Variants in HSF2BP observed in about 807,000 individuals in gnomAD.
HSF2BP encodes heat shock transcription factor 2 binding protein, also known as heat shock factor 2-binding protein.
Under a neutral mutation model 35.0 loss-of-function variants are expected in HSF2BP, and 35 were observed. The ratio of observed to expected loss-of-function variants is 1.00; its 90% confidence interval spans 0.76 to 1.32. The LOEUF is 1.32. HSF2BP is among the 40% of genes most tolerant of loss of function. The pLI, the probability that HSF2BP is intolerant of heterozygous loss-of-function variation, is 0.00. For synonymous variants in HSF2BP, 114 were observed against 117.4 expected, an observed-to-expected ratio of 0.97 and a Z score of 0.18; for missense variants, 326 against 321.7, an observed-to-expected ratio of 1.01 and a Z score of -0.10.
At chr21:43,633,030 CTGAAGTGGTAATATGT>C (rs2082503379) in intron 5 of HSF2BP, among the ~76,000 whole-genome samples, 1 of 152,212 alleles carries the variant, frequency 6.6e-6, no homozygotes, top group East Asian at 1.9e-4. Context: ...AGTATTAATA[CTGAAGTGGTAATATGT>C]CCACATATAC....
At chr21:43,613,681 G>A (rs1252699352) in intron 7 of HSF2BP, 149 bp downstream of exon 7, 1 of 647,166 alleles carries the variant, frequency 1.5e-6, no homozygotes, top group African/African-American at 1.8e-5. Flanking sequence ...TTAAGAGACA[G>A]TGCACGCCCT....
intron 7 of HSF2BP, among the ~76,000 whole-genome samples, chr21:43,605,515 G>A (rs915249956): frequency 6.8e-4 from 63 of 92,418 alleles, no homozygotes; most frequent in African/African-American, 2.5e-3. Context: ...ATCCCCCCAC[G>A]CACCTCCCAC....
At chr21:43,535,677 T>TAAATA (rs1265434492) in intron 8 of HSF2BP, among the ~76,000 whole-genome samples, 1 of 2,790 alleles carries the variant, frequency 3.6e-4, no homozygotes, top group Non-Finnish European at 5.8e-4. Context: ...ATAAATAAAA[T>TAAATA]AAATAAAATA....
chr21:43,585,798 T>C (rs2081842740), intron 8 of HSF2BP, among the ~76,000 whole-genome samples: 1 of 152,208 alleles, frequency 6.6e-6, no homozygotes, highest in African/African-American at 2.4e-5. Context: ...CGAAGGTTTT[T>C]TAAAAGTCTG....
intron 4 of HSF2BP, among the ~76,000 whole-genome samples, chr21:43,639,949 T>C (rs375678634): frequency 1.3e-5 from 2 of 152,102 alleles, no homozygotes; most frequent in South Asian, 2.1e-4. Context: ...ATACATACCA[T>C]GGAATATGAG....
intron 7 of HSF2BP, among the ~76,000 whole-genome samples, chr21:43,606,327 G>T (rs950842640): frequency 6.6e-6 from 1 of 152,208 alleles, no homozygotes; most frequent in African/African-American, 2.4e-5. Context: ...AGAGAAGAAG[G>T]ATGGCTGGGC....
chr21:43,582,269 G>C (rs1295381054), intron 8 of HSF2BP, among the ~76,000 whole-genome samples: 1 of 142,436 alleles, frequency 7.0e-6, no homozygotes, highest in African/African-American at 2.8e-5. Context: ...TGCCTGCTGA[G>C]GGGGATGAAG....
intron 6 of HSF2BP, among the ~76,000 whole-genome samples, chr21:43,617,056 T>C (rs1235607705): frequency 6.6e-6 from 1 of 152,050 alleles, no homozygotes; most frequent in Non-Finnish European, 1.5e-5. Flanking sequence ...CCCTCAACGA[T>C]TTGAGTCATC....
intron 7 of HSF2BP, among the ~76,000 whole-genome samples, chr21:43,592,651 G>A (rs1004700000): frequency 6.6e-6 from 1 of 152,080 alleles, no homozygotes; most frequent in South Asian, 2.1e-4. Context: ...TAACATACAG[G>A]TTACCCTCAA....
At chr21:43,656,452 G>A (rs2082869318) in intron 3 of HSF2BP, 135 bp downstream of exon 3, 2 of 846,342 alleles carry the variant, frequency 2.4e-6, no homozygotes, top group African/African-American at 1.7e-5. Context: ...CCTTTCTTAG[G>A]TCATCAGACT....
At chr21:43,637,686 G>A (rs1199220691) in intron 4 of HSF2BP, among the ~76,000 whole-genome samples, 2 of 151,558 alleles carry the variant, frequency 1.3e-5, no homozygotes, top group East Asian at 3.9e-4. Flanking sequence ...GGTGGCATAT[G>A]CCTATAGACT....
At chr21:43,630,032 G>C (rs1387499016) in intron 6 of HSF2BP, among the ~76,000 whole-genome samples, 1 of 152,206 alleles carries the variant, frequency 6.6e-6, no homozygotes, top group Non-Finnish European at 1.5e-5. Flanking sequence ...TCAGTTAGCA[G>C]TCATCAATAT....
At position 43,635,962 on chromosome 21, in the gene HSF2BP, A is replaced by T. The variant is rs532553790; in HGVS notation, c.292-2541T>A. ...AAAAAAAAAAACAGAATCATAGGCCAGGCACAGTGGCTAATTGTACCTTGG... is the reference window on the plus strand; with the variant it reads ...AAAAAAAAAAACAGAATCATAGGCCTGGCACAGTGGCTAATTGTACCTTGG... On this transcript the variant is annotated intron_variant, in intron 4 of 8. Coordinates refer to ENST00000291560, the MANE Select transcript of HSF2BP (RefSeq NM_007031.2). 4.7e-5 allele frequency among the ~76,000 whole-genome samples: 7 copies of T among 147,448 alleles called. No homozygotes were observed. The East Asian group carries it at 1.4e-3, about 29-fold the overall frequency.
intron 6 of HSF2BP, among the ~76,000 whole-genome samples, chr21:43,617,483 T>C (rs1005999249): frequency 2.0e-5 from 3 of 150,664 alleles, no homozygotes; most frequent in African/African-American, 7.4e-5. Flanking sequence ...CTTACTGATA[T>C]TTAATCTATC....
intron 6 of HSF2BP, among the ~76,000 whole-genome samples, chr21:43,625,152 C>T (rs2146971352): frequency 6.6e-6 from 1 of 152,252 alleles, no homozygotes; most frequent in East Asian, 1.9e-4. Context: ...CTGGTAACAG[C>T]TACCCCATTC....
chr21:43,593,936 G>A (rs926337737), intron 7 of HSF2BP, among the ~76,000 whole-genome samples: 1 of 151,976 alleles, frequency 6.6e-6, no homozygotes, highest in Admixed American at 6.6e-5. Flanking sequence ...TCAGATTCAG[G>A]AGGCACAAAA....
At chr21:43,582,258 G>A (rs1290418089) in intron 8 of HSF2BP, among the ~76,000 whole-genome samples, 9 of 133,132 alleles carry the variant, frequency 6.8e-5, no homozygotes, top group South Asian at 2.5e-4. Flanking sequence ...AGGGAGATGA[G>A]TGCCTGCTGA....
chr21:43,657,486 C>T (rs1465065181), intron 2 of HSF2BP, among the ~76,000 whole-genome samples: 1 of 152,130 alleles, frequency 6.6e-6, no homozygotes, highest in Non-Finnish European at 1.5e-5. Context: ...TTTGCCAAGC[C>T]CTCCGCCCGT....
chr21:43,587,625 A>AT (rs2081869902), intron 8 of HSF2BP, among the ~76,000 whole-genome samples: 2 of 146,208 alleles, frequency 1.4e-5, no homozygotes, highest in South Asian at 4.4e-4. Flanking sequence ...AGATCACACC[A>AT]TTGCACTCCA....
Sources: gnomAD v4.1 joint callset for allele counts (sites outside exome capture counted in the v4.1 genomes callset) on GRCh38, gnomAD v4.1.1 for gene constraint, MANE v1.5 for transcripts, NCBI Gene and HGNC (gene_info 2026-07-23, HGNC 2026-07-21) for gene names.